Variants in ZNF707 observed in about 807,000 individuals in gnomAD.
ZNF707 encodes zinc finger protein 707.
Under a neutral mutation model 13.3 loss-of-function variants are expected in ZNF707, and 8 were observed. The observed-to-expected ratio is 0.60, with a 90% CI of 0.35 to 1.09. The LOEUF (loss-of-function observed/expected upper bound fraction) is 1.09, where lower values mean the gene tolerates loss of function less well. ZNF707 is among the 50% of genes least tolerant of loss of function. The probability of loss-of-function intolerance (pLI) is 0.02; values close to 1 mark genes in which losing one functional copy is unlikely to be tolerated. For synonymous variants in ZNF707, 225 were observed against 205.6 expected, an observed-to-expected ratio of 1.09 and a Z score of -0.81; for missense variants, 530 against 512.6, an observed-to-expected ratio of 1.03 and a Z score of -0.33.
chr8:143,685,569 G>C (rs1375772795), intron 1 of ZNF707, among the ~76,000 whole-genome samples: 1 of 151,268 alleles, frequency 6.6e-6, no homozygotes, highest in African/African-American at 2.4e-5. Flanking sequence ...GCCGGATGCT[G>C]TGGCTGACGC....
chr8:143,690,367 C>T (rs1274509355), intron 3 of ZNF707: 4 of 539,874 alleles, frequency 7.4e-6, no homozygotes, highest in Admixed American at 3.4e-5. Flanking sequence ...GTCAGGAGAT[C>T]AAGACCATCC....
chr8:143,694,952 C>T lies in ZNF707; in HGVS notation c.*422C>T. The T allele has an allele frequency of 5.5e-6, 1 of 182,708 alleles. No homozygotes were observed. The highest frequency in any genetic ancestry group is 1.1e-5 in the Non-Finnish European group (1 of 88,368). 11.3% of individuals were successfully genotyped at this position (182,708 alleles called of 1,614,324 possible). On this transcript the variant is annotated 3_prime_UTR_variant, in exon 6 of 6. Coordinates refer to ENST00000358656, the MANE Select transcript of ZNF707 (RefSeq NM_001100598.2). This position sits in a 1 kb window ranked among gnomAD's most constrained non-coding sequence, Gnocchi z 4.4. The stretch of plus-strand genomic sequence containing the variant: ...CTGGCTCTGCACCCCATGCTGGCTG[C>T]CCGGTCTGGCTTCCCTTCTTGTCTC...
At position 143,694,262 on chromosome 8, in the gene ZNF707, C is replaced by A; in HGVS notation, c.848C>A (p.Thr283Asn). The change falls in exon 6 of 6, where the codon ACC becomes AAC. Residue 283 changes from threonine (T) to asparagine (N), a missense_variant. Thr to Asn is a moderately conservative substitution (Grantham distance 65, BLOSUM62 0). Transcript: ENST00000358656. The surrounding 1 kb of genome is among the most constrained non-coding windows in gnomAD (Gnocchi z 4.4). ...SNLLRHQLVH[T>N]GERPFYCADC... is the part of the protein sequence containing the mutation. ...CTTCTCAGACACCAGCTGGTGCACA[C>A]CGGGGAGCGGCCGTTCTACTGCGCG... The A allele has an allele frequency of 6.3e-7, 1 of 1,592,674 alleles. No homozygotes were observed. The highest frequency in any genetic ancestry group is 1.1e-5 in the South Asian group (1 of 87,922).
At position 143,691,677 on chromosome 8, in the gene ZNF707, C is replaced by T. The variant is rs1816822532; in HGVS notation, c.220C>T (p.Pro74Ser). 1 of 1,605,394 alleles carries T rather than the reference C, an allele frequency of 6.2e-7. No homozygotes were observed. The highest frequency in any genetic ancestry group is 8.5e-7 in the Non-Finnish European group (1 of 1,176,562). Residue 74 changes from proline (P) to serine (S), a missense_variant, in exon 5 of 6, where the codon CCT becomes TCT. Physicochemically the swap from Pro to Ser is moderately conservative, Grantham distance 74 (BLOSUM62 -1). Coordinates refer to ENST00000358656, the MANE Select transcript of ZNF707 (RefSeq NM_001100598.2). Reference sequence around the variant, plus strand: ...GCCGTGGGTTGAAGACCGGGAGAGACCTGAGTTCCAGGCAGTGCAGAGGGG... The same window carrying T: ...GCCGTGGGTTGAAGACCGGGAGAGATCTGAGTTCCAGGCAGTGCAGAGGGG... ...EEPWVEDRERPEFQAVQRGPR... is the reference protein window; with the variant it reads ...EEPWVEDRERSEFQAVQRGPR...
rs1554614271 is a variant in ZNF707 at position 143,693,702 on chromosome 8, T to C, written c.288T>C (p.Pro96=). 1 of 1,607,672 alleles carries C rather than the reference T, an allele frequency of 6.2e-7. No homozygotes were observed. Among genetic ancestry groups the C allele is most frequent in the East Asian group, 2.2e-5 (1 of 44,874 alleles). ...GARKSADPKR[P]CDHPAWAHKK... ...GGAAGTCTGCAGACCCCAAGAGACC[T>C]TGTGATCATCCAGCTTGGGCTCACA... Residue 96 remains proline, a synonymous_variant, in exon 6 of 6, where the codon CCT becomes CCC. Transcript: ENST00000358656. This position sits in a 1 kb window ranked among gnomAD's most constrained non-coding sequence, Gnocchi z 4.1.
In ZNF707 at chr8:143,693,312, G is replaced by A. The variant is rs535774480; in HGVS notation, c.257-359G>A. ...TTTTTTTTTTTTGAGACGGAGTCTCGCTCTGTCGCCCAGGCTGGACTGCGG... is the reference window on the plus strand; with the variant it reads ...TTTTTTTTTTTTGAGACGGAGTCTCACTCTGTCGCCCAGGCTGGACTGCGG... On this transcript the variant is annotated intron_variant, in intron 5 of 5. Transcript: ENST00000358656. This position sits in a 1 kb window ranked among gnomAD's most constrained non-coding sequence, Gnocchi z 4.1. 6.0e-4 allele frequency among the ~76,000 whole-genome samples: 89 copies of A among 148,660 alleles called. No homozygotes were observed. Among genetic ancestry groups the A allele is most frequent in the African/African-American group, 2.2e-3 (87 of 40,112 alleles).
chr8:143,685,655 C>G (rs1563720526), intron 1 of ZNF707, among the ~76,000 whole-genome samples: 2 of 151,818 alleles, frequency 1.3e-5, no homozygotes, highest in Non-Finnish European at 2.9e-5. Context: ...GTCTTGGCAA[C>G]ATAGTGAGAC....
At chr8:143,688,865 G>A (rs1816536977) in intron 1 of ZNF707, 1 of 152,176 alleles carries the variant, frequency 6.6e-6, no homozygotes, top group Non-Finnish European at 1.5e-5. Flanking sequence ...CAGTCCTCCT[G>A]CCTCAGCCTC....
intron 3 of ZNF707, 136 bp downstream of exon 3, chr8:143,690,259 T>C (rs1455807266): frequency 5.8e-5 from 69 of 1,197,628 alleles, no homozygotes; most frequent in Non-Finnish European, 7.7e-5. Flanking sequence ...GCCTTCTCTC[T>C]TAAGGGGTGG....
chr8:143,694,446 C>G lies in ZNF707; in HGVS notation c.1032C>G (p.Tyr344Ter). ...GGCTGCACCTGACGAAGAGGTTCTA[C>G]GAGTGCGGCCACTGTGGGAAAGGCT... ...HRRLHLTKRF[Y>*]ECGHCGKGFR... The change falls in exon 6 of 6, where the codon TAC becomes TAG. Residue 344 changes from tyrosine to a stop codon, truncating the protein, a stop_gained. Transcript: ENST00000358656. LOFTEE classifies it low-confidence loss of function (END_TRUNC). The surrounding 1 kb of genome is among the most constrained non-coding windows in gnomAD (Gnocchi z 4.4). 2 of 1,612,322 alleles carry G rather than the reference C, an allele frequency of 1.2e-6. No individual in the cohort carries two copies. The highest frequency in any genetic ancestry group is 1.3e-5 in the African/African-American group (1 of 75,024).
intron 3 of ZNF707, 167 bp from the exon 4 acceptor site, chr8:143,690,906 T>C: frequency 1.1e-6 from 1 of 873,570 alleles, no homozygotes; most frequent in Non-Finnish European, 1.7e-6. Flanking sequence ...CAGAGGCCCA[T>C]CTCCAGACAC....
At chr8:143,684,680 C>G (rs1194072695) in intron 1 of ZNF707, 138 bp downstream of exon 1, 1 of 152,422 alleles carries the variant, frequency 6.6e-6, no homozygotes, top group African/African-American at 2.4e-5. Context: ...TGCCCGTGCC[C>G]TCGGCTATTC....
At chr8:143,692,115 G>C in intron 5 of ZNF707, 1 of 1,320,346 alleles carries the variant, frequency 7.6e-7, no homozygotes, top group Non-Finnish European at 9.9e-7. Flanking sequence ...CAGGTATGTG[G>C]CTCTGGGTAG....
intron 1 of ZNF707, chr8:143,684,924 G>C (rs1389186095): frequency 2.0e-5 from 3 of 152,304 alleles, no homozygotes; most frequent in Non-Finnish European, 4.4e-5. Context: ...AACACCCAAA[G>C]CTCCCCGGCC....
At chr8:143,688,635 C>CTTTTTTTT (rs34379518) in intron 1 of ZNF707, 2 of 88,480 alleles carry the variant, frequency 2.3e-5, no homozygotes, top group Non-Finnish European at 4.4e-5. Context: ...TTTGTAATAT[C>CTTTTTTTT]TTTTTTTTTT....
rs1817097173 is a variant in ZNF707 at position 143,694,025 on chromosome 8, TCGAGTGCCC to T, written c.619_627del (p.Pro207_Cys209del). 3.1e-6 allele frequency: 5 copies of T among 1,606,094 alleles called. No individual in the cohort carries two copies. Among genetic ancestry groups the T allele is most frequent in the Non-Finnish European group, 3.4e-6 (4 of 1,177,418 alleles). The stretch of plus-strand genomic sequence containing the variant: ...ACGGTGCACACGGGAACCAAGGCCT[TCGAGTGCCC>T]CGAGTGCGGCCAGACCTTCCGGTGG... On this transcript the variant is annotated inframe_deletion, in exon 6 of 6. Coordinates refer to ENST00000358656, the MANE Select transcript of ZNF707 (RefSeq NM_001100598.2). This position sits in a 1 kb window ranked among gnomAD's most constrained non-coding sequence, Gnocchi z 4.4.
rs1367951076 is a variant in ZNF707, at chr8:143,691,899, C to G, written c.256+186C>G. 1.6e-4 allele frequency: 160 copies of G among 1,029,110 alleles called. 3 individuals are homozygous for G. The highest frequency in any genetic ancestry group is 2.2e-4 in the Non-Finnish European group (150 of 695,910). 63.7% of individuals were successfully genotyped at this position (1,029,110 alleles called of 1,614,324 possible). On this transcript the variant is annotated intron_variant, in intron 5 of 5. Coordinates refer to ENST00000358656, the MANE Select transcript of ZNF707 (RefSeq NM_001100598.2). ...AGCCACGCTCCTGCCCTGATGGACA[C>G]TGGCCGGGGGTGGGGCTCGAAAGGC...
chr8:143,690,965 C>A, intron 3 of ZNF707, 108 bp from the exon 4 acceptor site: 1 of 1,382,730 alleles, frequency 7.2e-7, no homozygotes, highest in Non-Finnish European at 9.8e-7. Context: ...GGGACACAAA[C>A]AATCAGTCCA....
intron 4 of ZNF707, 47 bp downstream of exon 4, chr8:143,691,246 G>C: frequency 6.4e-7 from 1 of 1,565,010 alleles, no homozygotes; most frequent in Non-Finnish European, 8.7e-7. Context: ...AGTGCTGGGA[G>C]AGCTCTGCCG....
Sources: allele counts gnomAD v4.1 joint callset (sites outside exome capture counted in the v4.1 genomes callset), GRCh38; gene constraint gnomAD v4.1.1; non-coding constraint Gnocchi (gnomAD v3.1); transcripts MANE v1.5; gene names NCBI Gene and HGNC (gene_info 2026-07-23, HGNC 2026-07-21).